The following CPAP variants were observed in gnomAD, a reference collection of about 807,000 sequenced individuals.
The protein encoded by CPAP is centrosome assembly and centriole elongation protein.
chr13:24,886,041 G>C, the CPAP span: 3 of 367,132 alleles, frequency 8.2e-6, no homozygotes, highest in African/African-American at 6.3e-5. Context: ...AAACATAAAT[G>C]CCCTTGTGGC....
chr13:24,906,468 C>A, the CPAP span: 6 of 1,614,096 alleles, frequency 3.7e-6, no homozygotes, highest in African/African-American at 8.0e-5. Flanking sequence ...GGAAGTCTGT[C>A]TTTACCTTGT....
the CPAP span, among the ~76,000 whole-genome samples, chr13:24,883,650 C>A: frequency 6.6e-6 from 1 of 152,112 alleles, no homozygotes; most frequent in African/African-American, 2.4e-5. Flanking sequence ...TTAAAAGGGA[C>A]CCTTCTTTCA....
chr13:24,917,180 G>A, the CPAP span, among the ~76,000 whole-genome samples: 1 of 152,170 alleles, frequency 6.6e-6, no homozygotes, highest in South Asian at 2.1e-4. Context: ...GAACCTGGGA[G>A]GCAGCAGATC....
At chr13:24,933,558 T>C in the CPAP span, 6 of 167,464 alleles carry the variant, frequency 3.6e-5, no homozygotes, top group African/African-American at 9.5e-5. Flanking sequence ...AAGAAAGATA[T>C]GTAGTGCAGA....
the CPAP span, among the ~76,000 whole-genome samples, chr13:24,932,188 C>G: frequency 1.2e-4 from 19 of 152,202 alleles, no homozygotes; most frequent in Non-Finnish European, 2.4e-4. Context: ...CAAACCGACA[C>G]GGGACTCGGG....
chr13:24,916,503 A>AT, the CPAP span, among the ~76,000 whole-genome samples: 36 of 152,250 alleles, frequency 2.4e-4, no homozygotes, highest in East Asian at 6.6e-3. Context: ...TAACATTACC[A>AT]TTTTTTTCCC....
the CPAP span, chr13:24,909,874 G>A: frequency 1.2e-6 from 2 of 1,611,968 alleles, no homozygotes. Context: ...AATAAATTAG[G>A]AGACGCACGT....
the CPAP span, chr13:24,883,844 CTG>C: frequency 1.4e-5 from 15 of 1,100,452 alleles, no homozygotes; most frequent in South Asian, 1.9e-4. Context: ...TTCATTCAAA[CTG>C]AACCCCCTAA....
chr13:24,916,562 CAGA>C, the CPAP span, among the ~76,000 whole-genome samples: 1 of 152,130 alleles, frequency 6.6e-6, no homozygotes, highest in African/African-American at 2.4e-5. Context: ...GTAGGAAAAA[CAGA>C]AACTCTTTTT....
chr13:24,885,413 C>G, the CPAP span: 3 of 1,481,784 alleles, frequency 2.0e-6, no homozygotes, highest in East Asian at 6.8e-5. Flanking sequence ...TTTCAAGCAG[C>G]TAAAACCTAC....
chr13:24,907,432 G>C, the CPAP span, among the ~76,000 whole-genome samples: 1 of 151,998 alleles, frequency 6.6e-6, no homozygotes, highest in Non-Finnish European at 1.5e-5. Context: ...TCCATCTATC[G>C]ACCACAGATT....
At chr13:24,916,439 A>G in the CPAP span, among the ~76,000 whole-genome samples, 3 of 152,378 alleles carry the variant, frequency 2.0e-5, no homozygotes, top group Admixed American at 2.0e-4. Context: ...ACAGATGCCA[A>G]AACATTAAAA....
the CPAP span, among the ~76,000 whole-genome samples, chr13:24,924,405 T>C: frequency 6.6e-6 from 1 of 152,212 alleles, no homozygotes; most frequent in Non-Finnish European, 1.5e-5. Flanking sequence ...TGTTTGTTGA[T>C]TGAATAAATA....
the CPAP span, among the ~76,000 whole-genome samples, chr13:24,929,582 T>C: frequency 6.6e-6 from 1 of 152,236 alleles, no homozygotes. Flanking sequence ...GATTATAATA[T>C]AATGCTATTG....
the CPAP span, chr13:24,889,446 A>G: frequency 3.2e-6 from 4 of 1,242,206 alleles, no homozygotes; most frequent in South Asian, 2.5e-5. Flanking sequence ...GTGTTAGTCT[A>G]TTAATACACT....
At chr13:24,883,837 A>T in the CPAP span, 2 of 1,024,764 alleles carry the variant, frequency 2.0e-6, no homozygotes, top group Non-Finnish European at 1.5e-6. Context: ...TGGGACATTC[A>T]TTCAAACTGA....
At chr13:24,908,017 C>T in the CPAP span, 1 of 1,589,824 alleles carries the variant, frequency 6.3e-7, no homozygotes, top group Non-Finnish European at 8.6e-7. Flanking sequence ...ACGAACAATA[C>T]CTTTCTTCAA....
chr13:24,883,378 T>A, the CPAP span: 1 of 1,577,900 alleles, frequency 6.3e-7, no homozygotes, highest in Non-Finnish European at 8.6e-7. Flanking sequence ...CACTGTAAAA[T>A]TTAAAAAAAA....
At chr13:24,906,636 G>T in the CPAP span, 1 of 1,614,248 alleles carries the variant, frequency 6.2e-7, no homozygotes, top group South Asian at 1.1e-5. Context: ...GACGGAGAAA[G>T]ACTTTTCCTG....
Sources: gnomAD v4.1 joint callset for allele counts (sites outside exome capture counted in the v4.1 genomes callset) on GRCh38, gnomAD v4.1.1 for gene constraint, MANE v1.5 for transcripts, NCBI Gene and HGNC (gene_info 2026-07-23, HGNC 2026-07-21) for gene names.